The following RIN2 variants were observed in gnomAD, a reference collection of about 807,000 sequenced individuals.
The protein encoded by RIN2 is RAB5 interacting protein 2.
A neutral mutation model predicts 78.0 loss-of-function variants in RIN2; 36 were observed. The observed-to-expected ratio is 0.46, with a 90% CI of 0.35 to 0.61. RIN2 has a LOEUF of 0.61. Ranked by LOEUF, RIN2 falls within the 20% of genes least tolerant of loss-of-function variation. RIN2 has a pLI of 0.00. For synonymous variants in RIN2, 466 were observed against 466.8 expected (o/e 1.00, Z 0.02); for missense variants, 1,087 against 1,159.7 (o/e 0.94, Z 0.91).
intron 2 of RIN2, chr20:19,823,443 T>G (rs533123341): frequency 1.3e-6 from 1 of 752,516 alleles, no homozygotes; most frequent in South Asian, 1.4e-5. Context: ...TTTTCCTTTG[T>G]GCTTAACTAG....
At chr20:19,760,393 T>G (rs1286334230) in intron 1 of RIN2, among the ~76,000 whole-genome samples, 1 of 152,130 alleles carries the variant, frequency 6.6e-6, no homozygotes, top group Non-Finnish European at 1.5e-5. Flanking sequence ...GAAACTGAAA[T>G]AGCCCACACT....
chr20:19,974,032 G>C (rs2042189904), intron 8 of RIN2, among the ~76,000 whole-genome samples: 1 of 152,162 alleles, frequency 6.6e-6, no homozygotes, highest in Non-Finnish European at 1.5e-5. Context: ...TAAATGGTTG[G>C]GCCTGCACTG....
chr20:19,882,571 G>A (rs2038055556), intron 2 of RIN2, among the ~76,000 whole-genome samples: 1 of 152,168 alleles, frequency 6.6e-6, no homozygotes, highest in Non-Finnish European at 1.5e-5. Context: ...TAGACCCTGA[G>A]GAAGTCCCAG....
chr20:19,805,103 G>T (rs969623387), intron 2 of RIN2, among the ~76,000 whole-genome samples: 14 of 152,174 alleles, frequency 9.2e-5, no homozygotes, highest in Admixed American at 9.2e-4. Flanking sequence ...GTGTCATGGC[G>T]TCTGGCACAT....
At chr20:19,873,985 C>A (rs1482334317) in intron 2 of RIN2, among the ~76,000 whole-genome samples, 1 of 152,066 alleles carries the variant, frequency 6.6e-6, no homozygotes, top group Non-Finnish European at 1.5e-5. Flanking sequence ...TGAAGCTCTA[C>A]CTTCTTGTTT....
intron 3 of RIN2, among the ~76,000 whole-genome samples, chr20:19,893,397 C>T (rs1447531150): frequency 1.3e-5 from 2 of 152,168 alleles, no homozygotes; most frequent in African/African-American, 2.4e-5. Flanking sequence ...TTAGTGCTCA[C>T]GTGACTTTGT....
At chr20:19,958,384 G>T (rs1361995123) in intron 5 of RIN2, among the ~76,000 whole-genome samples, 1 of 152,248 alleles carries the variant, frequency 6.6e-6, no homozygotes, top group African/African-American at 2.4e-5. Flanking sequence ...TGCAGAGCTA[G>T]GCAACAGCCT....
chr20:19,761,826 G>A (rs2033652847), intron 1 of RIN2, among the ~76,000 whole-genome samples: 1 of 152,122 alleles, frequency 6.6e-6, no homozygotes. Context: ...CCCAGCCTCT[G>A]GAGAGCACTG....
intron 4 of RIN2, among the ~76,000 whole-genome samples, chr20:19,943,975 C>CTTTTT (rs58524523): frequency 1.0e-5 from 1 of 95,880 alleles, no homozygotes; most frequent in Non-Finnish European, 2.0e-5. Flanking sequence ...TTTCAATATC[C>CTTTTT]TTTTTTTTTT....
chr20:19,804,260 A>C (rs1046456855), intron 2 of RIN2, among the ~76,000 whole-genome samples: 61 of 152,282 alleles, frequency 4.0e-4, no homozygotes, highest in African/African-American at 1.5e-3. Context: ...GAAAGAGGGC[A>C]TCCTTATCTT....
At chr20:19,922,908 C>G (rs916722509) in intron 3 of RIN2, among the ~76,000 whole-genome samples, 1 of 152,218 alleles carries the variant, frequency 6.6e-6, no homozygotes, top group Admixed American at 6.5e-5. Flanking sequence ...GCCCTCCCCC[C>G]ACCAGCACAC....
chr20:19,844,700 CT>C, intron 2 of RIN2, among the ~76,000 whole-genome samples: 1 of 9,218 alleles, frequency 1.1e-4, no homozygotes, highest in Non-Finnish European at 3.2e-4. Flanking sequence ...TCCTCTTCCT[CT>C]TCTTCTTCTT....
intron 2 of RIN2, among the ~76,000 whole-genome samples, chr20:19,887,280 T>A (rs1014663763): frequency 6.6e-6 from 1 of 152,146 alleles, no homozygotes; most frequent in Non-Finnish European, 1.5e-5. Context: ...TGCCTTGGCT[T>A]CCCAAAATGC....
chr20:19,892,727 C>G (rs547204688), intron 3 of RIN2, among the ~76,000 whole-genome samples: 1 of 152,164 alleles, frequency 6.6e-6, no homozygotes, highest in East Asian at 1.9e-4. Flanking sequence ...ACAATTATTC[C>G]GTAATTAGTC....
intron 3 of RIN2, among the ~76,000 whole-genome samples, chr20:19,891,023 CA>C (rs2038435366): frequency 6.6e-6 from 1 of 152,156 alleles, no homozygotes; most frequent in Non-Finnish European, 1.5e-5. Flanking sequence ...CTTGCCAGGA[CA>C]AATTAGTGTG....
chr20:19,895,017 CA>C (rs2038657258), intron 3 of RIN2, among the ~76,000 whole-genome samples: 1 of 152,106 alleles, frequency 6.6e-6, no homozygotes, highest in Non-Finnish European at 1.5e-5. Context: ...CCAAACCCAC[CA>C]ATCCCTGCCT....
chr20:19,908,840 G>C (rs551902247), intron 3 of RIN2, among the ~76,000 whole-genome samples: 1 of 152,136 alleles, frequency 6.6e-6, no homozygotes, highest in Admixed American at 6.5e-5. Flanking sequence ...AAAAATACAC[G>C]TGGAACACCA....
At chr20:19,797,104 A>T (rs1166316755) in intron 1 of RIN2, among the ~76,000 whole-genome samples, 1 of 152,202 alleles carries the variant, frequency 6.6e-6, no homozygotes, top group African/African-American at 2.4e-5. Context: ...CATTCCACTC[A>T]GTAAGTGAGT....
intron 3 of RIN2, among the ~76,000 whole-genome samples, chr20:19,912,369 C>T (rs898132464): frequency 6.6e-6 from 1 of 152,166 alleles, no homozygotes; most frequent in Non-Finnish European, 1.5e-5. Flanking sequence ...GACCCCTCTC[C>T]AGGGGCATCT....
Sources: allele counts gnomAD v4.1 joint callset (sites outside exome capture counted in the v4.1 genomes callset), GRCh38; gene constraint gnomAD v4.1.1; transcripts MANE v1.5; gene names NCBI Gene and HGNC (gene_info 2026-07-23, HGNC 2026-07-21).